The following INSRR variants were observed in gnomAD, a reference collection of about 807,000 sequenced individuals.
INSRR encodes the protein insulin receptor related receptor, also known as insulin receptor-related protein.
Under a neutral mutation model 130.0 loss-of-function variants are expected in INSRR, and 114 were observed. The observed-to-expected ratio is 0.88, with a 90% CI of 0.75 to 1.02. INSRR has a LOEUF of 1.02. Among genes scored for constraint, INSRR ranks in the 50% least tolerant of loss-of-function variants. The pLI, the probability that INSRR is intolerant of heterozygous loss-of-function variation, is 0.00. For synonymous variants in INSRR, 674 were observed against 705.2 expected (o/e 0.96, Z 0.70); for missense variants, 1,657 against 1,735.2 (o/e 0.95, Z 0.80).
At chr1:156,857,368 G>A (rs1362069044) in intron 1 of INSRR, among the ~76,000 whole-genome samples, 1 of 152,206 alleles carries the variant, frequency 6.6e-6, no homozygotes, top group African/African-American at 2.4e-5. Flanking sequence ...CCTCTCCAGG[G>A]CTCCCCTGAT....
chr1:156,844,423 T>G, intron 14 of INSRR, 39 bp downstream of exon 14: 1 of 1,600,700 alleles, frequency 6.2e-7, no homozygotes, highest in Non-Finnish European at 8.5e-7. Flanking sequence ...CAGGTAGGGC[T>G]GTTCGGTGAT....
rs756152383 is a variant in INSRR, at chr1:156,846,639, A to G, written c.1690T>C (p.Ser564Pro). The change falls in exon 8 of 22, where the codon TCC becomes CCC. Residue 564 changes from serine (S) to proline (P), a missense_variant. Ser to Pro is a moderately conservative substitution (Grantham distance 74). Transcript: ENST00000368195. Reference sequence around the variant, plus strand: ...GCGTACTGTGTCCAAGGCTTGAGGGAGGCTAGGGTCACCCCTGGCTCCTGG... The same window carrying G: ...GCGTACTGTGTCCAAGGCTTGAGGGGGGCTAGGGTCACCCCTGGCTCCTGG... ...RTQEPGVTLASLKPWTQYAVF... is the reference protein window; with the variant it reads ...RTQEPGVTLAPLKPWTQYAVF... 1.2e-5 allele frequency: 20 copies of G among 1,613,980 alleles called. 2 individuals are homozygous for G. In the South Asian group the frequency reaches 2.1e-4, roughly 17 times the overall value.
At position 156,858,496 on chromosome 1, in the gene INSRR, G is replaced by A. The variant is rs763274955; in HGVS notation, c.85+41C>T. 3.9e-6 allele frequency: 6 copies of A among 1,533,736 alleles called. No individual in the cohort carries two copies. The South Asian group carries it at 5.6e-5, about 14-fold the overall frequency. Reference sequence around the variant, plus strand: ...AGTTTTTTGGCCTCCCAGCTGGCTGGGAGGGAGGTAGGGGTCTGGGAGCCA... The same window carrying A: ...AGTTTTTTGGCCTCCCAGCTGGCTGAGAGGGAGGTAGGGGTCTGGGAGCCA... On this transcript the variant is annotated intron_variant, in intron 1 of 21. Transcript: ENST00000368195.
chr1:156,842,090 A>G (rs778917490), intron 19 of INSRR, 22 bp downstream of exon 19: 4 of 1,613,618 alleles, frequency 2.5e-6, no homozygotes, highest in Admixed American at 1.7e-5. Flanking sequence ...GGCCGCCCTC[A>G]TCTGCCTGGC....
chr1:156,844,797 G>A lies in INSRR; in HGVS notation c.2484C>T (p.Ser828=). ...GCCAGCGCAGAAGGACACTGTTCTTGCTGGAGGCCTCCCAGGCCACCTTTC... is the reference window on the plus strand; with the variant it reads ...GCCAGCGCAGAAGGACACTGTTCTTACTGGAGGCCTCCCAGGCCACCTTTC... ...IPGKVAWEAS[S]KNSVLLRWLE... The change falls in exon 13 of 22, where the codon AGC becomes AGT. Residue 828 remains serine, a synonymous_variant. Transcript: ENST00000368195. 1 of 1,614,146 alleles carries A rather than the reference G, an allele frequency of 6.2e-7. No homozygotes were observed. The highest frequency in any genetic ancestry group is 8.5e-7 in the Non-Finnish European group (1 of 1,180,032).
intron 7 of INSRR, among the ~76,000 whole-genome samples, chr1:156,847,155 C>T (rs568515702): frequency 2.0e-4 from 30 of 152,358 alleles, no homozygotes; most frequent in African/African-American, 6.0e-4. Context: ...CTGCTCCCTT[C>T]CCAGTGTCTT....
rs1654996533 is a variant in INSRR, at chr1:156,846,064, C to T, written c.1866G>A (p.Leu622=). The change falls in exon 9 of 22, where the codon CTG becomes CTA. Residue 622 remains leucine, a synonymous_variant. Transcript: ENST00000368195. ...GCTGGGTCGGTGGCTTCCAGCGCACCAGGAGGTGGGAGGAGGAGTTGGACG... is the reference window on the plus strand; with the variant it reads ...GCTGGGTCGGTGGCTTCCAGCGCACTAGGAGGTGGGAGGAGGAGTTGGACG... ...ISTSNSSSHL[L]VRWKPPTQRN... 1 of 1,612,378 alleles carries T rather than the reference C, an allele frequency of 6.2e-7. No homozygotes were observed. Among genetic ancestry groups the T allele is most frequent in the South Asian group, 1.1e-5 (1 of 90,914 alleles).
chr1:156,845,848 G>A lies in INSRR; in HGVS notation c.1979-34C>T, dbSNP rs753128627. 1.9e-6 allele frequency: 3 copies of A among 1,593,374 alleles called. No individual in the cohort carries two copies. The East Asian group carries it at 6.9e-5, about 36-fold the overall frequency. On this transcript the variant is annotated intron_variant, in intron 9 of 21. Coordinates refer to ENST00000368195, the MANE Select transcript of INSRR (RefSeq NM_014215.3). Reference sequence around the variant, plus strand: ...GCAGCGGGAAGACACTAGTAAGACAGGCGGTCTACCCGCCTCTGATCCCCC... The same window carrying A: ...GCAGCGGGAAGACACTAGTAAGACAAGCGGTCTACCCGCCTCTGATCCCCC...
chr1:156,849,085 C>T (rs367849798), intron 6 of INSRR, 38 bp from the exon 7 acceptor site: 2 of 1,603,722 alleles, frequency 1.2e-6, no homozygotes, highest in South Asian at 2.2e-5. Context: ...ACCGCGCCTG[C>T]CAGCTGCTTG....
chr1:156,843,607 G>A, intron 15 of INSRR, 128 bp from the exon 16 acceptor site: 4 of 972,576 alleles, frequency 4.1e-6, no homozygotes, highest in Non-Finnish European at 6.6e-6. Flanking sequence ...CTTGGTCAGG[G>A]TGACTCCTGG....
intron 5 of INSRR, 158 bp downstream of exon 5, chr1:156,851,131 CA>C (rs1655189207): frequency 1.3e-6 from 1 of 772,692 alleles, no homozygotes; most frequent in Non-Finnish European, 2.3e-6. Flanking sequence ...CCCTATTTTA[CA>C]GATGAGAAAA....
chr1:156,854,009 G>A lies in INSRR; in HGVS notation c.380C>T (p.Ala127Val), dbSNP rs55757706. ...CAGCACGGCCCCAAGTGCAGGCAGT[G>A]CCACGTCACGCAGATGTGGCATCTC... ...IFEMPHLRDV[A>V]LPALGAVLRG... The change falls in exon 2 of 22, where the codon GCA (alanine) becomes GTA (valine). Residue 127 changes from alanine (A) to valine (V), a missense_variant. Physicochemically the swap from Ala to Val is moderately conservative, Grantham distance 64. Transcript: ENST00000368195. This position sits in a 1 kb window ranked among gnomAD's most constrained non-coding sequence, Gnocchi z 4.2. 6.2e-7 allele frequency: 1 copy of A among 1,613,886 alleles called. No homozygotes were observed.
At chr1:156,845,868 T>TC (rs879929233) in intron 9 of INSRR, 54 bp from the exon 10 acceptor site, 20 of 1,598,538 alleles carry the variant, frequency 1.3e-5, no homozygotes, top group East Asian at 4.5e-5. Context: ...CCGCCTCTGA[T>TC]CCCCCCCACC....
chr1:156,841,204 G>T, intron 21 of INSRR, 100 bp from the exon 22 acceptor site: 1 of 1,041,346 alleles, frequency 9.6e-7, no homozygotes, highest in Non-Finnish European at 1.4e-6. Context: ...GGGATCGTGG[G>T]CCATTATGCC....
intron 15 of INSRR, 99 bp downstream of exon 15, chr1:156,844,076 G>A (rs1654895842): frequency 6.0e-6 from 5 of 833,558 alleles, no homozygotes; most frequent in Non-Finnish European, 9.9e-6. Flanking sequence ...CTGTATGGAA[G>A]ACCTGTCTTT....
At chr1:156,843,597 C>T in intron 15 of INSRR, 118 bp from the exon 16 acceptor site, 1 of 1,095,536 alleles carries the variant, frequency 9.1e-7, no homozygotes. Context: ...CACCCCCAGC[C>T]TTGGTCAGGG....
Position 156,840,960 on chromosome 1 carries a change from C to G in INSRR, c.3807G>C (p.Arg1269=), listed in dbSNP as rs377694886. The change falls in exon 22 of 22, where the codon CGG becomes CGC. Residue 1269 remains arginine, a synonymous_variant. Transcript: ENST00000368195. The part of the protein sequence containing the change: ...FYYSPECRGA[R]GSLPTTDAEP... ...CTGCATCGGTGGTAGGCAGGGAGCCCCGGGCCCCCCGGCATTCCGGGCTGT... is the reference window on the plus strand; with the variant it reads ...CTGCATCGGTGGTAGGCAGGGAGCCGCGGGCCCCCCGGCATTCCGGGCTGT... 3.1e-5 allele frequency: 50 copies of G among 1,613,910 alleles called. No homozygotes were observed. The African/African-American group carries it at 6.5e-4, about 21-fold the overall frequency.
chr1:156,850,539 T>G (rs1188031806), intron 5 of INSRR, among the ~76,000 whole-genome samples: 1 of 89,762 alleles, frequency 1.1e-5, no homozygotes, highest in Non-Finnish European at 2.0e-5. Flanking sequence ...ACATTCTTTT[T>G]TTTTTTTTTT....
rs746198235 is a variant in INSRR at position 156,841,083 on chromosome 1, GCAGCGGCT to G, written c.3676_3683del (p.Ser1226LeufsTer52). The G allele has an allele frequency of 6.4e-7, 1 of 1,565,074 alleles. No individual in the cohort carries two copies. Among genetic ancestry groups the G allele is most frequent in the East Asian group, 2.4e-5 (1 of 41,776 alleles). On this transcript the variant is annotated frameshift_variant, in exon 22 of 22. Transcript: ENST00000368195. LOFTEE classifies it high-confidence loss of function. ...GGCGCAGGCGTGGGTTCGGCTGCCAGCAGCGGCTCATCAGCTCCTGCCTGGTGGGTGTG... is the reference window on the plus strand; with the variant it reads ...GGCGCAGGCGTGGGTTCGGCTGCCAGCATCAGCTCCTGCCTGGTGGGTGTG...
Sources: gnomAD v4.1 joint callset for allele counts (sites outside exome capture counted in the v4.1 genomes callset) on GRCh38, gnomAD v4.1.1 for gene constraint, Gnocchi (gnomAD v3.1) non-coding constraint, MANE v1.5 for transcripts, NCBI Gene and HGNC (gene_info 2026-07-23, HGNC 2026-07-21) for gene names.